CNTNAP2: variants seen among roughly 807,000 people sequenced by gnomAD.
The protein encoded by CNTNAP2 is contactin associated protein 2, also known as contactin-associated protein-like 2.
Under a neutral mutation model 155.2 loss-of-function variants are expected in CNTNAP2, and 98 were observed. That is an observed-to-expected ratio of 0.63 (90% CI 0.54 to 0.75). The LOEUF is 0.75. Ranked by LOEUF, CNTNAP2 falls within the 30% of genes least tolerant of loss-of-function variation. The pLI, the probability that CNTNAP2 is intolerant of heterozygous loss-of-function variation, is 0.00. For missense variants in CNTNAP2, 1,727 were observed against 1,688.1 expected (o/e 1.02, Z -0.40); for synonymous variants, 651 against 631.2 (o/e 1.03, Z -0.47).
intron 1 of CNTNAP2, among the ~76,000 whole-genome samples, chr7:146,605,864 C>A (rs1389096542): frequency 6.6e-6 from 1 of 152,062 alleles, no homozygotes. Context: ...AAGTGCTGAG[C>A]TAACTTCTTC....
chr7:146,413,923 A>C (rs192558134), intron 1 of CNTNAP2, among the ~76,000 whole-genome samples: 1 of 152,216 alleles, frequency 6.6e-6, no homozygotes, highest in African/African-American at 2.4e-5. Context: ...TAGTGGAAGA[A>C]TTAGAGTATT....
At chr7:147,243,315 T>C (rs571997406) in intron 8 of CNTNAP2, among the ~76,000 whole-genome samples, 21 of 152,224 alleles carry the variant, frequency 1.4e-4, no homozygotes, top group African/African-American at 5.1e-4. Context: ...TTTTTAAATG[T>C]TGCAAATTAG....
intron 3 of CNTNAP2, among the ~76,000 whole-genome samples, chr7:146,947,175 G>A (rs1401524282): frequency 1.3e-5 from 2 of 151,334 alleles, no homozygotes; most frequent in Non-Finnish European, 2.9e-5. Context: ...GGGATTACAG[G>A]CACCTGCCAT....
chr7:148,227,044 A>G (rs1318050455), intron 19 of CNTNAP2, among the ~76,000 whole-genome samples: 1 of 152,180 alleles, frequency 6.6e-6, no homozygotes, highest in African/African-American at 2.4e-5. Context: ...CAGGATCACC[A>G]TGGAAACAGG....
In CNTNAP2 at chr7:148,206,922, G is replaced by T. The variant is rs551991762; in HGVS notation, c.3011-10366G>T. Among the ~76,000 whole-genome samples the T allele has an allele frequency of 3.9e-5, 6 of 152,130 alleles. No individual in the cohort carries two copies. In the South Asian group the frequency reaches 1.2e-3, roughly 32 times the overall value. ...CGCCTTCCTTAGTGAAACCATCCAG[G>T]CATCCCACGCCCCACCCACAGGTAG... is the stretch of plus-strand genomic sequence containing the variant. On this transcript the variant is annotated intron_variant, in intron 18 of 23. Transcript: ENST00000361727.
intron 8 of CNTNAP2, among the ~76,000 whole-genome samples, chr7:147,165,943 A>C (rs926290174): frequency 6.6e-6 from 1 of 152,208 alleles, no homozygotes; most frequent in African/African-American, 2.4e-5. Context: ...AATGTAAACT[A>C]GTACAACCAC....
At chr7:146,392,421 A>T (rs973949627) in intron 1 of CNTNAP2, among the ~76,000 whole-genome samples, 4 of 152,166 alleles carry the variant, frequency 2.6e-5, no homozygotes, top group African/African-American at 4.8e-5. Context: ...AGGATAAAGA[A>T]GGATGAATCA....
rs183833822 is a variant in CNTNAP2, at chr7:148,337,131, G to A, written c.3476-46518G>A. On this transcript the variant is annotated intron_variant, in intron 21 of 23. Transcript: ENST00000361727. ...AGCAAGGTGCTAGTGATATCAACAC[G>A]GGGGACACTTCACATTTCCCCCCAT... Among the ~76,000 whole-genome samples, 158 of 152,214 alleles carry A rather than the reference G, an allele frequency of 1.0e-3. 2 individuals carry two copies. The highest frequency in any genetic ancestry group is 3.5e-3 in the African/African-American group (144 of 41,524).
chr7:146,206,128 A>G (rs780493584), intron 1 of CNTNAP2, among the ~76,000 whole-genome samples: 1 of 151,962 alleles, frequency 6.6e-6, no homozygotes, highest in Non-Finnish European at 1.5e-5. Context: ...AAATTATAAC[A>G]TAAGTTTGTA....
At chr7:146,814,712 G>C (rs559954288) in intron 2 of CNTNAP2, among the ~76,000 whole-genome samples, 1 of 151,810 alleles carries the variant, frequency 6.6e-6, no homozygotes, top group African/African-American at 2.4e-5. Flanking sequence ...TGGATGCTAC[G>C]GGGCATGAGC....
chr7:147,313,813 G>C (rs557836312), intron 9 of CNTNAP2, among the ~76,000 whole-genome samples: 1 of 152,014 alleles, frequency 6.6e-6, no homozygotes, highest in South Asian at 2.1e-4. Context: ...GTCATTGGTA[G>C]CTTGATGGGG....
intron 3 of CNTNAP2, among the ~76,000 whole-genome samples, chr7:147,000,905 C>T (rs1798409774): frequency 6.6e-6 from 1 of 152,072 alleles, no homozygotes; most frequent in African/African-American, 2.4e-5. Flanking sequence ...CTTGCAGGGC[C>T]TGGGGGTTCC....
intron 8 of CNTNAP2, among the ~76,000 whole-genome samples, chr7:147,220,089 G>A (rs1467376545): frequency 6.6e-6 from 1 of 151,640 alleles, no homozygotes; most frequent in Non-Finnish European, 1.5e-5. Context: ...ACACCCGGCA[G>A]GCTGCATCAC....
intron 1 of CNTNAP2, among the ~76,000 whole-genome samples, chr7:146,650,935 G>T (rs540694424): frequency 6.6e-6 from 1 of 152,064 alleles, no homozygotes; most frequent in Non-Finnish European, 1.5e-5. Flanking sequence ...TGTGAGAATT[G>T]CTTGAGCCCA....
At chr7:148,218,436 G>C (rs1296194240) in intron 19 of CNTNAP2, among the ~76,000 whole-genome samples, 2 of 152,058 alleles carry the variant, frequency 1.3e-5, no homozygotes, top group Non-Finnish European at 2.9e-5. Flanking sequence ...TTGTTGCCCA[G>C]GCTTGAGTAC....
At position 148,337,185 on chromosome 7, in the gene CNTNAP2, A is replaced by C. The variant is rs566102884; in HGVS notation, c.3476-46464A>C. Among the ~76,000 whole-genome samples, 24 of 151,980 alleles carry C rather than the reference A, an allele frequency of 1.6e-4. No individual in the cohort carries two copies. The East Asian group carries it at 4.6e-3, about 29-fold the overall frequency. ...TCCCTAACGGTGCAGCAGACACCCC[A>C]CTAAAGCTGAGGAGGCCCCTGCTGC... On this transcript the variant is annotated intron_variant, in intron 21 of 23. Transcript: ENST00000361727.
At chr7:146,986,719 C>T (rs879644180) in intron 3 of CNTNAP2, among the ~76,000 whole-genome samples, 6 of 151,858 alleles carry the variant, frequency 4.0e-5, no homozygotes, top group Non-Finnish European at 8.8e-5. Context: ...GGTGGTATTG[C>T]TTTGTGGTTT....
chr7:148,089,024 C>T (rs753452435), intron 15 of CNTNAP2, among the ~76,000 whole-genome samples: 1 of 151,868 alleles, frequency 6.6e-6, no homozygotes, highest in Admixed American at 6.6e-5. Context: ...TAATATGATG[C>T]ACCACATTAG....
At chr7:146,245,100 T>G (rs1405412311) in intron 1 of CNTNAP2, among the ~76,000 whole-genome samples, 75 of 151,988 alleles carry the variant, frequency 4.9e-4, no homozygotes, top group African/African-American at 6.8e-4. Flanking sequence ...TGCCTTTGCT[T>G]GTGTGTGGCG....
Sources: gnomAD v4.1 joint callset for allele counts (sites outside exome capture counted in the v4.1 genomes callset) on GRCh38, gnomAD v4.1.1 for gene constraint, MANE v1.5 for transcripts, NCBI Gene and HGNC (gene_info 2026-07-23, HGNC 2026-07-21) for gene names.